The following KLHL22 variants were observed in gnomAD, a reference collection of about 807,000 sequenced individuals.
The protein encoded by KLHL22 is kelch-like protein 22.
Under a neutral mutation model 60.7 loss-of-function variants are expected in KLHL22, and 18 were observed. The observed-to-expected ratio is 0.30, with a 90% CI of 0.20 to 0.44. The LOEUF (loss-of-function observed/expected upper bound fraction) is 0.44, where lower values mean the gene tolerates loss of function less well. Among genes scored for constraint, KLHL22 ranks in the 20% least tolerant of loss-of-function variants. The pLI, the probability that KLHL22 is intolerant of heterozygous loss-of-function variation, is 1.00. For synonymous variants in KLHL22, 355 were observed against 354.5 expected, an observed-to-expected ratio of 1.00 and a Z score of -0.01; for missense variants, 596 against 852.3, an observed-to-expected ratio of 0.70 and a Z score of 3.74.
At chr22:20,448,762 A>T (rs976082109) in intron 5 of KLHL22, among the ~76,000 whole-genome samples, 1 of 152,102 alleles carries the variant, frequency 6.6e-6, no homozygotes, top group African/African-American at 2.4e-5. Context: ...TTTCTCTGGG[A>T]TAAATACCCA....
At chr22:20,461,632 A>T (rs1204166353) in intron 4 of KLHL22, among the ~76,000 whole-genome samples, 1 of 151,494 alleles carries the variant, frequency 6.6e-6, no homozygotes, top group Non-Finnish European at 1.5e-5. Flanking sequence ...CATGACTATT[A>T]ATGTTTTAAT....
chr22:20,494,798 C>T (rs368089311), intron 1 of KLHL22, among the ~76,000 whole-genome samples: 2 of 152,304 alleles, frequency 1.3e-5, no homozygotes, highest in African/African-American at 4.8e-5. Context: ...CTGAAGGATA[C>T]AAGATGAATT....
chr22:20,483,911 C>T (rs1601384933), intron 2 of KLHL22: 4 of 682,828 alleles, frequency 5.9e-6, no homozygotes, highest in East Asian at 2.6e-5. Context: ...CAGCCATCCC[C>T]GCGGCCAGGC....
rs570380364 is a variant in KLHL22, at chr22:20,495,566, G to C, written c.-34+194C>G. On this transcript the variant is annotated intron_variant, in intron 1 of 6. Coordinates refer to ENST00000328879, the MANE Select transcript of KLHL22 (RefSeq NM_032775.4). This position sits in a 1 kb window ranked among gnomAD's most constrained non-coding sequence, Gnocchi z 4.6. The stretch of plus-strand genomic sequence containing the variant: ...CTACGCGCCCGCGCCCGGGGATCCC[G>C]CCGGCCGCGTCCCCGCCACGTCAGG... 0.017 allele frequency among the ~76,000 whole-genome samples: 2,532 copies of C among 150,476 alleles called. 41 individuals are homozygous for C. Among genetic ancestry groups the C allele is most frequent in the Middle Eastern group, 0.027 (8 of 292 alleles).
intron 2 of KLHL22, among the ~76,000 whole-genome samples, chr22:20,473,322 C>A (rs2053357874): frequency 6.6e-6 from 1 of 152,070 alleles, no homozygotes; most frequent in Admixed American, 6.6e-5. Context: ...GACTCAAGGC[C>A]CTCTGCTGGG....
At chr22:20,493,361 A>G (rs765958492) in intron 1 of KLHL22, 29 of 403,840 alleles carry the variant, frequency 7.2e-5, no homozygotes, top group Non-Finnish European at 1.1e-4. Flanking sequence ...GAAGGAGCAC[A>G]GCACAGGGTG....
In KLHL22 at chr22:20,442,155, C is replaced by T. The variant is rs775705834; in HGVS notation, c.1823G>A (p.Arg608His). Residue 608 changes from arginine (R) to histidine (H), a missense_variant, in exon 7 of 7, where the codon CGC becomes CAC. Coordinates refer to ENST00000328879, the MANE Select transcript of KLHL22 (RefSeq NM_032775.4). ...LLEPPRGTPD[R>H]SQADPDFASE... ...GGCAAAGTCCGGGTCGGCCTGGCTG[C>T]GGTCAGGGGTCCCGCGGGGCGGCTC... is the stretch of plus-strand genomic sequence containing the variant. 19 of 1,543,794 alleles carry T rather than the reference C, an allele frequency of 1.2e-5. No homozygotes were observed. Among genetic ancestry groups the T allele is most frequent in the Admixed American group, 7.8e-5 (4 of 51,204 alleles).
At chr22:20,487,645 G>C (rs930720054) in intron 2 of KLHL22, among the ~76,000 whole-genome samples, 1 of 152,168 alleles carries the variant, frequency 6.6e-6, no homozygotes, top group African/African-American at 2.4e-5. Context: ...GGGGGTGTTA[G>C]TGATGCATTG....
intron 1 of KLHL22, chr22:20,489,718 A>G (rs1227327615): frequency 6.4e-6 from 3 of 471,150 alleles, no homozygotes; most frequent in African/African-American, 6.0e-5. Context: ...CATTGAATGA[A>G]CAAAATTGGG....
intron 2 of KLHL22, among the ~76,000 whole-genome samples, chr22:20,479,729 C>G (rs2053469175): frequency 6.6e-6 from 1 of 152,094 alleles, no homozygotes. Context: ...CAGAAAATAA[C>G]AAGCTTTAGC....
chr22:20,493,175 T>C, intron 1 of KLHL22: 1 of 471,150 alleles, frequency 2.1e-6, no homozygotes, highest in Non-Finnish European at 4.4e-6. Flanking sequence ...GTGCCTCTGC[T>C]CTCTTGGGAA....
intron 5 of KLHL22, among the ~76,000 whole-genome samples, chr22:20,448,017 C>T (rs191539524): frequency 1.3e-3 from 201 of 152,270 alleles, no homozygotes; most frequent in African/African-American, 4.6e-3. Context: ...TGTCCTATCA[C>T]CACCAGGATC....
chr22:20,450,396 C>T (rs557497442), intron 5 of KLHL22: 30 of 1,470,898 alleles, frequency 2.0e-5, no homozygotes, highest in African/African-American at 2.8e-5. Flanking sequence ...TTTGTGTACA[C>T]GGAAACAGTA....
chr22:20,445,791 C>T (rs745421822), intron 6 of KLHL22, among the ~76,000 whole-genome samples: 2 of 150,948 alleles, frequency 1.3e-5, no homozygotes, highest in Non-Finnish European at 3.0e-5. Context: ...TGAGACAAGG[C>T]CTGGCTCTGT....
chr22:20,444,211 A>AG (rs1414418808), intron 6 of KLHL22, among the ~76,000 whole-genome samples: 1 of 152,180 alleles, frequency 6.6e-6, no homozygotes, highest in Non-Finnish European at 1.5e-5. Context: ...ACTGACAGCT[A>AG]GCAAGGAAAT....
At position 20,476,405 on chromosome 22, in the gene KLHL22, A is replaced by ATTT. The variant is rs57189584; in HGVS notation, c.228-4893_228-4891dup. ...GGTGTGGGTGCTTGGATTGACACAG[A>ATTT]TTTTTTTTTTTTTTTTTTTTTTTTT... is the stretch of plus-strand genomic sequence containing the variant. On this transcript the variant is annotated intron_variant, in intron 2 of 6. Transcript: ENST00000328879. 2.4e-3 allele frequency among the ~76,000 whole-genome samples: 164 copies of ATTT among 69,356 alleles called. 10 individuals carry two copies. The highest frequency in any genetic ancestry group is 0.02 in the East Asian group (39 of 1,992). The allele number at this position is 69,356 out of a possible 152,430, so 45.5% of individuals were successfully genotyped here.
chr22:20,480,450 G>A (rs1474003905), intron 2 of KLHL22, among the ~76,000 whole-genome samples: 2 of 152,180 alleles, frequency 1.3e-5, no homozygotes, highest in Non-Finnish European at 2.9e-5. Context: ...CAGAGAGTGA[G>A]GGCCATCTCT....
At chr22:20,466,372 TAAAA>T (rs361874) in intron 3 of KLHL22, among the ~76,000 whole-genome samples, 1 of 70,614 alleles carries the variant, frequency 1.4e-5, no homozygotes, top group Non-Finnish European at 2.6e-5. Flanking sequence ...AGACTCCGTC[TAAAA>T]AAAAAAAAAA....
chr22:20,446,183 A>G (rs569085729), intron 6 of KLHL22, among the ~76,000 whole-genome samples: 33 of 152,280 alleles, frequency 2.2e-4, no homozygotes, highest in African/African-American at 7.9e-4. Context: ...GTTGATGGTG[A>G]TGCATCAATG....
Sources: gnomAD v4.1 joint callset for allele counts (sites outside exome capture counted in the v4.1 genomes callset) on GRCh38, gnomAD v4.1.1 for gene constraint, Gnocchi (gnomAD v3.1) non-coding constraint, MANE v1.5 for transcripts, NCBI Gene and HGNC (gene_info 2026-07-23, HGNC 2026-07-21) for gene names.